The following LSM8 variants were observed in gnomAD, a reference collection of about 807,000 sequenced individuals.
LSM8 encodes the protein LSM8 U6 small nuclear RNA associated.
In LSM8, 14 loss-of-function variants were observed where a neutral mutation model predicts 15.0. The observed-to-expected ratio is 0.93, with a 90% confidence interval of 0.62 to 1.46. The LOEUF (loss-of-function observed/expected upper bound fraction) is 1.46, where lower values mean the gene tolerates loss of function less well. Ranked by LOEUF, LSM8 falls within the 40% of genes most tolerant of loss-of-function variation. LSM8 has a pLI of 0.00. For missense variants in LSM8, 90 were observed against 115.4 expected, an observed-to-expected ratio of 0.78 and a Z score of 1.01; for synonymous variants, 50 against 42.1, an observed-to-expected ratio of 1.19 and a Z score of -0.73.
Position 118,201,316 on chromosome 7 carries a change from T to C in LSM8, c.*9314T>C, listed in dbSNP as rs1809170127. On this transcript the variant is annotated 3_prime_UTR_variant, in exon 4 of 4. Coordinates refer to ENST00000249299, the MANE Select transcript of LSM8 (RefSeq NM_016200.5). ...GTGAGCCTGGAGCTGCCATGGAGCATGTAGAGAGAGTCTCCTAGTTGATAC... is the reference window on the plus strand; with the variant it reads ...GTGAGCCTGGAGCTGCCATGGAGCACGTAGAGAGAGTCTCCTAGTTGATAC... Among the ~76,000 whole-genome samples the C allele has an allele frequency of 6.6e-6, 1 of 152,096 alleles. No homozygotes were observed. Among genetic ancestry groups the C allele is most frequent in the East Asian group, 1.9e-4 (1 of 5,170 alleles).
rs1029499405 is a variant in LSM8, at chr7:118,185,886, A to C, written c.72+192A>C. The stretch of plus-strand genomic sequence containing the variant: ...TAATAAACATTGTGTGTTACCTACA[A>C]GGTTTCTCGGAGCTAGAATAATAGA... On this transcript the variant is annotated intron_variant, in intron 2 of 3. Transcript: ENST00000249299. 1.2e-4 allele frequency among the ~76,000 whole-genome samples: 19 copies of C among 152,332 alleles called. 1 individual carries two copies. The South Asian group carries it at 3.9e-3, about 32-fold the overall frequency.
In LSM8 at chr7:118,197,214, A is replaced by G. The variant is rs575433255; in HGVS notation, c.*5212A>G. On this transcript the variant is annotated 3_prime_UTR_variant, in exon 4 of 4. Transcript: ENST00000249299. ...ATGTAGGTTTTTTTTTTTTTTCCAC[A>G]TATACTGGCTTTACAAATGCCATAT... Among the ~76,000 whole-genome samples the G allele has an allele frequency of 1.4e-5, 2 of 148,068 alleles. No homozygotes were observed. The highest frequency in any genetic ancestry group is 4.2e-4 in the South Asian group (2 of 4,716).
chr7:118,185,703 T>C lies in LSM8; in HGVS notation c.72+9T>C. The C allele has an allele frequency of 1.2e-6, 2 of 1,606,954 alleles. No homozygotes were observed. The highest frequency in any genetic ancestry group is 2.2e-5 in the South Asian group (2 of 90,318). On this transcript the variant is annotated intron_variant, in intron 2 of 3. Transcript: ENST00000249299. Reference sequence around the variant, plus strand: ...ATGGGAGAATGATTGTGGTAAGTCTTTGGAATTTTCATTCTCTGCTTTCCT... The same window carrying C: ...ATGGGAGAATGATTGTGGTAAGTCTCTGGAATTTTCATTCTCTGCTTTCCT...
chr7:118,202,934 T>G lies in LSM8; in HGVS notation c.*10932T>G, dbSNP rs1809192948. ...GTTTGAGAAGCACTGATCTATACTG[T>G]CTTTCTACACACTTTTTTACCTTAC... On this transcript the variant is annotated 3_prime_UTR_variant, in exon 4 of 4. Coordinates refer to ENST00000249299, the MANE Select transcript of LSM8 (RefSeq NM_016200.5). Among the ~76,000 whole-genome samples, 2 of 152,116 alleles carry G rather than the reference T, an allele frequency of 1.3e-5. No homozygotes were observed. The highest frequency in any genetic ancestry group is 4.1e-4 in the South Asian group (2 of 4,828).
chr7:118,203,354 T>A lies in LSM8; in HGVS notation c.*11352T>A, dbSNP rs141349614. Among the ~76,000 whole-genome samples, 72 of 152,028 alleles carry A rather than the reference T, an allele frequency of 4.7e-4. No homozygotes were observed. The highest frequency in any genetic ancestry group is 1.7e-3 in the African/African-American group (70 of 41,550). On this transcript the variant is annotated 3_prime_UTR_variant, in exon 4 of 4. Coordinates refer to ENST00000249299, the MANE Select transcript of LSM8 (RefSeq NM_016200.5). ...CCCTTGAAGAAGATACTAATATTTC[T>A]GATATCATATAGGAGTAAAAATTGC...
intron 3 of LSM8, 95 bp from the exon 4 acceptor site, chr7:118,191,817 G>C (rs1808986837): frequency 1.1e-6 from 1 of 886,428 alleles, no homozygotes; most frequent in African/African-American, 1.7e-5. Context: ...TTTTTTGGAA[G>C]AATGGTACTC....
chr7:118,199,126 A>G lies in LSM8; in HGVS notation c.*7124A>G, dbSNP rs9656259. Among the ~76,000 whole-genome samples the G allele has an allele frequency of 0.63, 95,270 of 151,954 alleles. 30,046 individuals are homozygous for G. Among genetic ancestry groups the G allele is most frequent in the South Asian group, 0.77 (3,694 of 4,808 alleles). ...TTCACCCTGCACACCTTTTCCATTT[A>G]CTGATTTTAATCTATATCCTCTCAC... is the stretch of plus-strand genomic sequence containing the variant. On this transcript the variant is annotated 3_prime_UTR_variant, in exon 4 of 4. Transcript: ENST00000249299.
At chr7:118,188,242 A>G in intron 2 of LSM8, 36 bp from the exon 3 acceptor site, 4 of 1,606,528 alleles carry the variant, frequency 2.5e-6, no homozygotes, top group Non-Finnish European at 3.4e-6. Context: ...GTAAACCAGA[A>G]TATTTCTCTT....
rs58624567 is a variant in LSM8, at chr7:118,198,478, G to A, written c.*6476G>A. ...GAGTATTTACTGCATGACAGTAACA[G>A]AGATGACATGCCCGGTAAACTGGTG... On this transcript the variant is annotated 3_prime_UTR_variant, in exon 4 of 4. Coordinates refer to ENST00000249299, the MANE Select transcript of LSM8 (RefSeq NM_016200.5). Among the ~76,000 whole-genome samples the A allele has an allele frequency of 0.014, 2,106 of 152,276 alleles. 88 individuals are homozygous for A. Among genetic ancestry groups the A allele is most frequent in the East Asian group, 0.088 (457 of 5,176 alleles).
At position 118,192,055 on chromosome 7, in the gene LSM8, T is replaced by C; in HGVS notation, c.*53T>C. 7.1e-7 allele frequency: 1 copy of C among 1,404,464 alleles called. No homozygotes were observed. Among genetic ancestry groups the C allele is most frequent in the Non-Finnish European group, 9.9e-7 (1 of 1,006,258 alleles). 87.0% of individuals were successfully genotyped at this position (1,404,464 alleles called of 1,614,324 possible). A position where few individuals can be genotyped will look rare whatever the true frequency, so the allele number is the denominator to read the frequency against. On this transcript the variant is annotated 3_prime_UTR_variant, in exon 4 of 4. Transcript: ENST00000249299. ...AAATCTTTGTACAGAAACTGATTAT[T>C]CTGAGGATGATATATGGAGTTTTTA...
rs930310080 is a variant in LSM8 at position 118,202,146 on chromosome 7, T to C, written c.*10144T>C. On this transcript the variant is annotated 3_prime_UTR_variant, in exon 4 of 4. Transcript: ENST00000249299. Reference sequence around the variant, plus strand: ...AATTCTGGGGATGTCTTGAAATAGATACATTGGCAGTTTTTTTGTTTTTGT... The same window carrying C: ...AATTCTGGGGATGTCTTGAAATAGACACATTGGCAGTTTTTTTGTTTTTGT... Among the ~76,000 whole-genome samples the C allele has an allele frequency of 6.6e-6, 1 of 152,112 alleles. No homozygotes were observed.
chr7:118,194,382 CAA>C lies in LSM8; in HGVS notation c.*2381_*2382del, dbSNP rs1809041298. Among the ~76,000 whole-genome samples the C allele has an allele frequency of 6.6e-6, 1 of 151,052 alleles. No homozygotes were observed. Among genetic ancestry groups the C allele is most frequent in the South Asian group, 2.1e-4 (1 of 4,794 alleles). On this transcript the variant is annotated 3_prime_UTR_variant, in exon 4 of 4. Transcript: ENST00000249299. ...AAGGGACTTTTTTTTTTTTAACTGA[CAA>C]GATACTATCTAAACTAATAGTTTAA...
In LSM8 at chr7:118,194,924, G is replaced by T. The variant is rs1809054789; in HGVS notation, c.*2922G>T. ...GAGGCTCAGCAGGGTCAAGTGACTT[G>T]TAAGAGGTAGCACTAGTAAGTAACA... On this transcript the variant is annotated 3_prime_UTR_variant, in exon 4 of 4. Coordinates refer to ENST00000249299, the MANE Select transcript of LSM8 (RefSeq NM_016200.5). Among the ~76,000 whole-genome samples, 2 of 152,148 alleles carry T rather than the reference G, an allele frequency of 1.3e-5. No homozygotes were observed. The highest frequency in any genetic ancestry group is 4.1e-4 in the South Asian group (2 of 4,828).
In LSM8 at chr7:118,203,444, T is replaced by A. The variant is rs1809199899; in HGVS notation, c.*11442T>A. Among the ~76,000 whole-genome samples the A allele has an allele frequency of 6.7e-6, 1 of 149,252 alleles. No individual in the cohort carries two copies. Among genetic ancestry groups the A allele is most frequent in the Non-Finnish European group, 1.5e-5 (1 of 67,840 alleles). The stretch of plus-strand genomic sequence containing the variant: ...ATTCAAGCTGTAGACTTAAATTTTT[T>A]AAATAGAGTAATGGTTGTTTAGTAG... On this transcript the variant is annotated 3_prime_UTR_variant, in exon 4 of 4. Transcript: ENST00000249299.
Position 118,191,950 on chromosome 7 carries a change from C to T in LSM8, c.239C>T (p.Ala80Val), listed in dbSNP as rs537517162. Reference protein sequence around the residue: ...IGEIDEETDSALDLGNIRAEP... With the variant: ...IGEIDEETDSVLDLGNIRAEP... ...GAAATCGATGAAGAAACAGATTCTG[C>T]GCTTGATTTGGGGAATATTCGAGCA... The change falls in exon 4 of 4, where the codon GCG becomes GTG. Residue 80 changes from alanine (A) to valine (V), a missense_variant. Physicochemically the swap from Ala to Val is moderately conservative, Grantham distance 64. Transcript: ENST00000249299. 9.3e-6 allele frequency: 15 copies of T among 1,612,942 alleles called. No homozygotes were observed. The highest frequency in any genetic ancestry group is 1.7e-5 in the Admixed American group (1 of 59,848).
intron 3 of LSM8, chr7:118,189,728 G>A (rs1808947941): frequency 1.3e-5 from 2 of 152,136 alleles, no homozygotes; most frequent in South Asian, 4.2e-4. Context: ...TGGTGTGGTG[G>A]TGCATGCCTG....
rs996422303 is a variant in LSM8, at chr7:118,197,124, A to G, written c.*5122A>G. On this transcript the variant is annotated 3_prime_UTR_variant, in exon 4 of 4. Transcript: ENST00000249299. Reference sequence around the variant, plus strand: ...AATTCCCATCAATGTCCCTACAAGGATATGATACGCTTTCTCTCTTCTCTT... The same window carrying G: ...AATTCCCATCAATGTCCCTACAAGGGTATGATACGCTTTCTCTCTTCTCTT... Among the ~76,000 whole-genome samples, 2 of 151,984 alleles carry G rather than the reference A, an allele frequency of 1.3e-5. No individual in the cohort carries two copies. Among genetic ancestry groups the G allele is most frequent in the Non-Finnish European group, 2.9e-5 (2 of 67,990 alleles).
intron 1 of LSM8, chr7:118,184,987 A>T (rs1479367345): frequency 1.3e-5 from 2 of 152,234 alleles, no homozygotes; most frequent in Admixed American, 1.3e-4. Context: ...CCTGGAAGAC[A>T]GTTTTTTAAC....
chr7:118,185,531 T>C lies in LSM8; in HGVS notation c.32-123T>C, dbSNP rs989834810. On this transcript the variant is annotated intron_variant, in intron 1 of 3. Coordinates refer to ENST00000249299, the MANE Select transcript of LSM8 (RefSeq NM_016200.5). ...TAACGTTTTTATGTAGTGAACTTAG[T>C]GGCTGTGTTGAATACTTATACCTAG... The C allele has an allele frequency of 4.9e-6, 4 of 819,522 alleles. No individual in the cohort carries two copies. The African/African-American group carries it at 6.8e-5, about 14-fold the overall frequency. The allele number at this position is 819,522 out of a possible 1,614,324, so 50.8% of individuals were successfully genotyped here.
Sources: allele counts gnomAD v4.1 joint callset (sites outside exome capture counted in the v4.1 genomes callset), GRCh38; gene constraint gnomAD v4.1.1; transcripts MANE v1.5; gene names NCBI Gene and HGNC (gene_info 2026-07-23, HGNC 2026-07-21).